The following DCHS2 variants were observed in gnomAD, a reference collection of about 807,000 sequenced individuals.
DCHS2 encodes protocadherin-23.
A neutral mutation model predicts 182.4 loss-of-function variants in DCHS2; 142 were observed. That is an observed-to-expected ratio of 0.78 (90% CI 0.68 to 0.89). The LOEUF is 0.89. Ranked by LOEUF, DCHS2 falls within the 40% of genes least tolerant of loss-of-function variation. The probability of loss-of-function intolerance (pLI) is 0.00; values close to 1 mark genes in which losing one functional copy is unlikely to be tolerated. For missense variants in DCHS2, 4,319 were observed against 4,198.6 expected (o/e 1.03, Z -0.79); for synonymous variants, 1,740 against 1,663.3 (o/e 1.05, Z -1.12).
chr4:154,328,253 G>T, intron 6 of DCHS2, 61 bp from the exon 7 acceptor site: 2 of 1,225,032 alleles, frequency 1.6e-6, no homozygotes, highest in Non-Finnish European at 1.2e-6. Flanking sequence ...AAATATCAGT[G>T]GACCTTTAAA....
At position 154,269,767 on chromosome 4, in the gene DCHS2, G is replaced by A. The variant is rs950268042; in HGVS notation, c.6577+133C>T. 7.4e-6 allele frequency: 7 copies of A among 950,878 alleles called. No homozygotes were observed. The African/African-American group carries it at 1.2e-4, about 17-fold the overall frequency. The allele number at this position is 950,878 out of a possible 1,614,324, so 58.9% of individuals were successfully genotyped here. ...TTTTGATTTCCCATAATTTTTCATA[G>A]GCTAGCTTAAAAAATTCTTTCTTGC... On this transcript the variant is annotated intron_variant, in intron 14 of 19. Transcript: ENST00000357232.
chr4:154,384,609 G>A (rs1579032266), intron 1 of DCHS2: 11 of 1,415,158 alleles, frequency 7.8e-6, no homozygotes, highest in Non-Finnish European at 9.4e-6. Flanking sequence ...TGAGGATTTT[G>A]AGAGGAGAAT....
Position 154,297,912 on chromosome 4 carries a change from A to C in DCHS2, c.6402T>G (p.Asp2134Glu). The change falls in exon 13 of 20, where the codon GAT (aspartate) becomes GAG (glutamate). Residue 2134 changes from aspartate to glutamate, a missense_variant. Asp to Glu is a conservative substitution (Grantham distance 45, BLOSUM62 2). Transcript: ENST00000357232. The part of the protein sequence containing the change: ...GLLVIHMEGE[D>E]VKISFSHHLY... ...GGTGGTGGCTGAAGGAAATCTTTAC[A>C]TCTTCTCCTTCCATGTGAATGACCA... The C allele has an allele frequency of 6.2e-7, 1 of 1,614,078 alleles. No homozygotes were observed. Among genetic ancestry groups the C allele is most frequent in the Non-Finnish European group, 8.5e-7 (1 of 1,179,998 alleles).
intron 1 of DCHS2, among the ~76,000 whole-genome samples, chr4:154,433,804 C>T (rs1733665214): frequency 6.6e-6 from 1 of 152,212 alleles, no homozygotes. Context: ...CTCTCACTGG[C>T]TCCAGGCCAC....
At chr4:154,486,968 T>A (rs1470984805) in intron 1 of DCHS2, among the ~76,000 whole-genome samples, 1 of 152,088 alleles carries the variant, frequency 6.6e-6, no homozygotes, top group Non-Finnish European at 1.5e-5. Context: ...CAAGCTGAGC[T>A]CACCATAATG....
At chr4:154,380,055 A>G (rs1325717399) in intron 1 of DCHS2, among the ~76,000 whole-genome samples, 1 of 152,126 alleles carries the variant, frequency 6.6e-6, no homozygotes, top group African/African-American at 2.4e-5. Flanking sequence ...ACATCCTACA[A>G]TGCATAAGAT....
At chr4:154,405,582 C>A (rs7657120) in intron 1 of DCHS2, among the ~76,000 whole-genome samples, 1,952 of 151,952 alleles carry the variant, frequency 0.013, 35 homozygotes, top group African/African-American at 0.045. Context: ...TTTTTTAAAT[C>A]TTTTTTCTTT....
rs560379683 is a variant in DCHS2 at position 154,290,611 on chromosome 4, T to G, written c.6463+7240A>C. 8.9e-4 allele frequency among the ~76,000 whole-genome samples: 136 copies of G among 152,026 alleles called. 1 individual carries two copies. Among genetic ancestry groups the G allele is most frequent in the African/African-American group, 3.0e-3 (126 of 41,488 alleles). ...AAACATATAAACCAATGAAACAGAA[T>G]AGAGAATCCAGAAACAAATCCAGAC... is the stretch of plus-strand genomic sequence containing the variant. On this transcript the variant is annotated intron_variant, in intron 13 of 19. Transcript: ENST00000357232.
At chr4:154,304,632 A>AAAAC (rs70947158) in intron 12 of DCHS2, 37 bp downstream of exon 12, 53,245 of 1,497,720 alleles carry the variant, frequency 0.036, 3,009 homozygotes, top group African/African-American at 0.27. Flanking sequence ...CTGTCTTAAA[A>AAAAC]AAACAAACAA....
rs771749247 is a variant in DCHS2 at position 154,305,084 on chromosome 4, A to G, written c.5395+13T>C. On this transcript the variant is annotated intron_variant, in intron 11 of 19. Transcript: ENST00000357232. ...TAATTTTTATTTTTTAGCCTACTCA[A>G]AGAATCCCTTACCTCGAAGGGTGAA... 7.4e-5 allele frequency: 118 copies of G among 1,592,052 alleles called. No homozygotes were observed. Among genetic ancestry groups the G allele is most frequent in the Non-Finnish European group, 9.5e-5 (112 of 1,174,288 alleles).
In DCHS2 at chr4:154,332,631, G is replaced by A. The variant is rs1406658129; in HGVS notation, c.3577C>T (p.His1193Tyr). Residue 1193 changes from histidine (H) to tyrosine (Y), a missense_variant, in exon 5 of 20, where the codon CAT becomes TAT. Transcript: ENST00000357232. ...DENDNSPTFL[H>Y]DVLFLKVEES... ...TCGACTTTCAAAAACAACACATCAT[G>A]CAAGAAGGTGGGGGAATTGTCATTC... is the stretch of plus-strand genomic sequence containing the variant. 1 of 1,614,240 alleles carries A rather than the reference G, an allele frequency of 6.2e-7. No homozygotes were observed. Among genetic ancestry groups the A allele is most frequent in the Admixed American group, 1.7e-5 (1 of 60,030 alleles).
At chr4:154,446,318 T>G (rs1171923731) in intron 1 of DCHS2, among the ~76,000 whole-genome samples, 1 of 152,212 alleles carries the variant, frequency 6.6e-6, no homozygotes, top group African/African-American at 2.4e-5. Flanking sequence ...TATTTCGATT[T>G]GTACCAAAAG....
chr4:154,253,632 C>T (rs369160248), intron 16 of DCHS2, among the ~76,000 whole-genome samples: 24 of 152,200 alleles, frequency 1.6e-4, no homozygotes, highest in African/African-American at 5.8e-4. Context: ...TATATCTAAA[C>T]AATAAGTACC....
rs755294762 is a variant in DCHS2, at chr4:154,305,049, ATTTAATT to A, written c.5395+41_5395+47del. 4 of 1,517,968 alleles carry A rather than the reference ATTTAATT, an allele frequency of 2.6e-6. No homozygotes were observed. In the East Asian group the frequency reaches 9.9e-5, roughly 38 times the overall value. The allele number at this position is 1,517,968 out of a possible 1,614,324, so 94.0% of individuals were successfully genotyped here. A position where few individuals can be genotyped will look rare whatever the true frequency, so the allele number is the denominator to read the frequency against. On this transcript the variant is annotated intron_variant, in intron 11 of 19. Transcript: ENST00000357232. Reference sequence around the variant, plus strand: ...TCACCACTTAACAGGTTTTTTTTAAATTTAATTTTTAATTTTTATTTTTTAGCCTACT... The same window carrying A: ...TCACCACTTAACAGGTTTTTTTTAAATTTAATTTTTATTTTTTAGCCTACT...
chr4:154,315,869 A>G lies in DCHS2; in HGVS notation c.5139T>C (p.Thr1713=). Residue 1713 remains threonine, a synonymous_variant, in exon 10 of 20, where the codon ACT becomes ACC. Coordinates refer to ENST00000357232, the MANE Select transcript of DCHS2 (RefSeq NM_001358235.2). ...ALSSSQTLTV[T]VLDVNDEAPV... ...GAGCTTCATCATTTACATCAAGAAC[A>G]GTAACTGTCAAAGTCTGGGATGAAG... 6.2e-7 allele frequency: 1 copy of G among 1,614,052 alleles called. No individual in the cohort carries two copies. Among genetic ancestry groups the G allele is most frequent in the South Asian group, 1.1e-5 (1 of 91,076 alleles).
rs1248497893 is a variant in DCHS2, at chr4:154,489,890, A to T, written c.1466T>A (p.Phe489Tyr). Residue 489 changes from phenylalanine to tyrosine, a missense_variant, in exon 1 of 20, where the codon TTT becomes TAT. Coordinates refer to ENST00000357232, the MANE Select transcript of DCHS2 (RefSeq NM_001358235.2). ...CAGGGGCCCCTCCACGCAAAGGAAAAATACCCCTGGGGGGCCGCCGGGTAG... is the reference window on the plus strand; with the variant it reads ...CAGGGGCCCCTCCACGCAAAGGAAATATACCCCTGGGGGGCCGCCGGGTAG... ...ALLPGGPPGV[F>Y]FLCVEGPLDR... The T allele has an allele frequency of 1.3e-6, 2 of 1,541,764 alleles. No individual in the cohort carries two copies. The highest frequency in any genetic ancestry group is 2.0e-5 in the Admixed American group (1 of 50,208).
intron 1 of DCHS2, among the ~76,000 whole-genome samples, chr4:154,414,511 T>TTA (rs1732757534): frequency 8.3e-6 from 1 of 120,092 alleles, no homozygotes; most frequent in Non-Finnish European, 1.7e-5. Flanking sequence ...TTTTTTTTTT[T>TTA]GGCCAAGGGA....
chr4:154,301,650 C>A (rs1157747861), intron 12 of DCHS2, among the ~76,000 whole-genome samples: 1 of 152,136 alleles, frequency 6.6e-6, no homozygotes, highest in African/African-American at 2.4e-5. Flanking sequence ...GGATTACAGG[C>A]ATGTGCCACT....
chr4:154,236,278 T>C lies in DCHS2; in HGVS notation c.8374A>G (p.Asn2792Asp). 2 of 1,613,980 alleles carry C rather than the reference T, an allele frequency of 1.2e-6. No homozygotes were observed. The highest frequency in any genetic ancestry group is 1.7e-6 in the Non-Finnish European group (2 of 1,179,950). ...GGACCAGCATCAAAATCCAGAGCAT[T>C]TATAGAGCATATGGTAGAGGAAATA... ...LPISSTICSINALDFDAGPYG... is the reference protein window; with the variant it reads ...LPISSTICSIDALDFDAGPYG... The change falls in exon 20 of 20, where the codon AAT (asparagine) becomes GAT (aspartate). Residue 2792 changes from asparagine to aspartate, a missense_variant. Asn to Asp is a conservative substitution (Grantham distance 23, BLOSUM62 1). Transcript: ENST00000357232.
Sources: gnomAD v4.1 joint callset for allele counts (sites outside exome capture counted in the v4.1 genomes callset) on GRCh38, gnomAD v4.1.1 for gene constraint, MANE v1.5 for transcripts, NCBI Gene and HGNC (gene_info 2026-07-23, HGNC 2026-07-21) for gene names.